The following SCARA3 variants were observed in gnomAD, a reference collection of about 807,000 sequenced individuals.
The protein encoded by SCARA3 is cellular stress response gene protein.
SCARA3 carries 39 observed loss-of-function variants against 47.0 expected under a neutral mutation model. That is an observed-to-expected ratio of 0.83 (90% CI 0.64 to 1.08). The LOEUF is 1.08. Ranked by LOEUF, SCARA3 falls within the 50% of genes least tolerant of loss-of-function variation. The probability of loss-of-function intolerance (pLI) is 0.00; values close to 1 mark genes in which losing one functional copy is unlikely to be tolerated. For missense variants in SCARA3, 724 were observed against 792.3 expected (o/e 0.91, Z 1.04); for synonymous variants, 356 against 334.1 (o/e 1.07, Z -0.71).
chr8:27,731,327 T>A, the SCARA3 span, among the ~76,000 whole-genome samples: 1 of 151,824 alleles, frequency 6.6e-6, no homozygotes, highest in Non-Finnish European at 1.5e-5. Flanking sequence ...CTTGAACTCC[T>A]GCGTTCAAGT....
At chr8:27,667,091 T>C (rs1365090072) in intron 5 of SCARA3, among the ~76,000 whole-genome samples, 3 of 152,102 alleles carry the variant, frequency 2.0e-5, no homozygotes, top group Non-Finnish European at 2.9e-5. Context: ...CTAGCCCTTC[T>C]CTCCTCTGCC....
the SCARA3 span, among the ~76,000 whole-genome samples, chr8:27,711,753 AC>A: frequency 6.6e-6 from 1 of 152,108 alleles, no homozygotes; most frequent in South Asian, 2.1e-4. Context: ...TTTAAAATAG[AC>A]CTTTTTTAGA....
chr8:27,672,587 C>G lies in SCARA3; in HGVS notation c.*1236C>G, dbSNP rs1161181555. 1 of 985,530 alleles carries G rather than the reference C, an allele frequency of 1.0e-6. No homozygotes were observed. Among genetic ancestry groups the G allele is most frequent in the Non-Finnish European group, 1.2e-6 (1 of 830,114 alleles). 61.0% of individuals were successfully genotyped at this position (985,530 alleles called of 1,614,324 possible). A position where few individuals can be genotyped will look rare whatever the true frequency, so the allele number is the denominator to read the frequency against. On this transcript the variant is annotated 3_prime_UTR_variant, in exon 6 of 6. Coordinates refer to ENST00000301904, the MANE Select transcript of SCARA3 (RefSeq NM_016240.3). ...ACCGGGACCCACAATGGCCCGAGCCCTCTTTGCATGGGCAGCCAGCTGGAC... is the reference window on the plus strand; with the variant it reads ...ACCGGGACCCACAATGGCCCGAGCCGTCTTTGCATGGGCAGCCAGCTGGAC...
At chr8:27,730,555 C>T in the SCARA3 span, among the ~76,000 whole-genome samples, 1 of 150,912 alleles carries the variant, frequency 6.6e-6, no homozygotes, top group Non-Finnish European at 1.5e-5. Context: ...GAGATAACGG[C>T]TCACTGCAGC....
downstream of SCARA3, among the ~76,000 whole-genome samples, chr8:27,674,185 A>C (rs1323231972): frequency 6.6e-6 from 1 of 152,208 alleles, no homozygotes; most frequent in Non-Finnish European, 1.5e-5. Flanking sequence ...ACTGAAATCC[A>C]AACAGCGGAA....
chr8:27,695,234 C>G, the SCARA3 span, among the ~76,000 whole-genome samples: 1 of 152,132 alleles, frequency 6.6e-6, no homozygotes, highest in Non-Finnish European at 1.5e-5. Context: ...TAAAAAGAAA[C>G]TAACTAACTA....
Position 27,658,760 on chromosome 8 carries a change from C to G in SCARA3, c.590C>G (p.Ala197Gly). 1.2e-6 allele frequency: 2 copies of G among 1,614,048 alleles called. No homozygotes were observed. Among genetic ancestry groups the G allele is most frequent in the South Asian group, 2.2e-5 (2 of 91,076 alleles). ...LFLAQVRGWQ[A>G]TTAGLDLSLK... is the part of the protein sequence containing the mutation. Reference sequence around the variant, plus strand: ...CTGGCCCAGGTGAGAGGCTGGCAGGCCACCACAGCTGGCCTGGACCTCTCT... The same window carrying G: ...CTGGCCCAGGTGAGAGGCTGGCAGGGCACCACAGCTGGCCTGGACCTCTCT... Residue 197 changes from alanine (A) to glycine (G), a missense_variant, in exon 5 of 6, where the codon GCC (alanine) becomes GGC (glycine). By Grantham distance (60) the Ala-to-Gly change is moderately conservative. Transcript: ENST00000301904.
chr8:27,660,830 A>C (rs1454328343), intron 5 of SCARA3, among the ~76,000 whole-genome samples: 1 of 131,146 alleles, frequency 7.6e-6, no homozygotes, highest in African/African-American at 2.7e-5. Flanking sequence ...TAGATAGAAG[A>C]TAGCTAGCTA....
At chr8:27,714,008 C>T in the SCARA3 span, among the ~76,000 whole-genome samples, 1 of 152,012 alleles carries the variant, frequency 6.6e-6, no homozygotes, top group Non-Finnish European at 1.5e-5. Flanking sequence ...CCCCTCTTCA[C>T]TCTCTCTTGC....
chr8:27,732,430 G>A, the SCARA3 span, among the ~76,000 whole-genome samples: 9 of 152,282 alleles, frequency 5.9e-5, no homozygotes, highest in African/African-American at 9.6e-5. Context: ...CAGTCATACC[G>A]CTAAGGTAGA....
At chr8:27,694,542 GGAAA>G in the SCARA3 span, among the ~76,000 whole-genome samples, 5 of 152,094 alleles carry the variant, frequency 3.3e-5, no homozygotes, top group African/African-American at 1.2e-4. Flanking sequence ...TAATATCCTA[GGAAA>G]GAAAGTAAGG....
chr8:27,687,782 C>T, the SCARA3 span, among the ~76,000 whole-genome samples: 1 of 151,602 alleles, frequency 6.6e-6, no homozygotes, highest in African/African-American at 2.4e-5. Context: ...TTTGGGAGGC[C>T]AAGGCAGGTG....
Position 27,666,124 on chromosome 8 carries a change from C to T in SCARA3, c.1370-4776C>T, listed in dbSNP as rs192625862. Among the ~76,000 whole-genome samples the T allele has an allele frequency of 1.3e-4, 20 of 152,316 alleles. No homozygotes were observed. In the East Asian group the frequency reaches 3.7e-3, roughly 28 times the overall value. On this transcript the variant is annotated intron_variant, in intron 5 of 5. Coordinates refer to ENST00000301904, the MANE Select transcript of SCARA3 (RefSeq NM_016240.3). ...CTGTTCAGGCCCAACGAGTTACCTG[C>T]GGAGGTGGCAGTGAAGAGGGTTTGG...
chr8:27,659,678 C>T, intron 5 of SCARA3, 139 bp downstream of exon 5: 1 of 706,260 alleles, frequency 1.4e-6, no homozygotes, highest in South Asian at 1.9e-5. Context: ...CAGCAGTCGG[C>T]AGCTTTAAGA....
chr8:27,647,164 TGCACACATGTGCAA>T (rs1194933862), intron 1 of SCARA3, among the ~76,000 whole-genome samples: 1 of 152,130 alleles, frequency 6.6e-6, no homozygotes, highest in East Asian at 1.9e-4. Context: ...AAAATGCACG[TGCACACATGTGCAA>T]GCACAGGCAC....
At chr8:27,717,721 G>A in the SCARA3 span, among the ~76,000 whole-genome samples, 4 of 152,092 alleles carry the variant, frequency 2.6e-5, no homozygotes, top group African/African-American at 9.7e-5. Context: ...GGAGACAGAG[G>A]TTACAGAGAT....
intron 1 of SCARA3, among the ~76,000 whole-genome samples, chr8:27,638,657 C>A (rs1199957265): frequency 1.3e-5 from 2 of 152,150 alleles, no homozygotes; most frequent in African/African-American, 2.4e-5. Flanking sequence ...GGGCGACTGC[C>A]AGGTGCCCGG....
At chr8:27,723,236 T>TG in the SCARA3 span, among the ~76,000 whole-genome samples, 9 of 152,194 alleles carry the variant, frequency 5.9e-5, no homozygotes, top group African/African-American at 2.2e-4. Flanking sequence ...CTGAACTCCT[T>TG]GAAGTTCACC....
intron 3 of SCARA3, 130 bp downstream of exon 3, chr8:27,651,757 C>G (rs912639671): frequency 2.3e-6 from 3 of 1,279,640 alleles, no homozygotes; most frequent in Non-Finnish European, 3.2e-6. Flanking sequence ...ATCTTCCTGG[C>G]TAGGGGATCT....
Sources: gnomAD v4.1 joint callset for allele counts (sites outside exome capture counted in the v4.1 genomes callset) on GRCh38, gnomAD v4.1.1 for gene constraint, MANE v1.5 for transcripts, NCBI Gene and HGNC (gene_info 2026-07-23, HGNC 2026-07-21) for gene names.